Variants in SH3GL1 observed in about 807,000 individuals in gnomAD.
SH3GL1 encodes the protein SH3 domain containing GRB2 like 1, endophilin A2, also known as endophilin-A2.
In SH3GL1, 21 loss-of-function variants were observed where a neutral mutation model predicts 48.8. That is an observed-to-expected ratio of 0.43 (90% CI 0.30 to 0.62). The LOEUF is 0.62. Ranked by LOEUF, SH3GL1 falls within the 20% of genes least tolerant of loss-of-function variation. SH3GL1 has a pLI of 0.11. For synonymous variants in SH3GL1, 282 were observed against 217.5 expected, an observed-to-expected ratio of 1.30 and a Z score of -2.61; for missense variants, 454 against 503.0, an observed-to-expected ratio of 0.90 and a Z score of 0.93.
chr19:4,363,088 C>T (rs1972668740), intron 7 of SH3GL1, among the ~76,000 whole-genome samples: 1 of 152,178 alleles, frequency 6.6e-6, no homozygotes, highest in South Asian at 2.1e-4. Flanking sequence ...CCTCTGCATT[C>T]AGGGAGGGGA....
chr19:4,369,140 G>A (rs569142181), intron 1 of SH3GL1, among the ~76,000 whole-genome samples: 3 of 152,350 alleles, frequency 2.0e-5, no homozygotes, highest in South Asian at 4.1e-4. Flanking sequence ...CTCTGGCACA[G>A]GTGAGAAGCA....
In SH3GL1 at chr19:4,392,101, G is replaced by GC. The variant is rs370575492; in HGVS notation, c.45+8222dup. 6.8e-3 allele frequency among the ~76,000 whole-genome samples: 1,031 copies of GC among 152,298 alleles called. 11 individuals are homozygous for GC. The highest frequency in any genetic ancestry group is 0.023 in the African/African-American group (962 of 41,562). ...GCTGGACTCACCGGCCTTGTCCCGG[G>GC]CACAGCCTCTGAATCACCAACGCCG... On this transcript the variant is annotated intron_variant, in intron 1 of 9. Coordinates refer to ENST00000269886, the MANE Select transcript of SH3GL1 (RefSeq NM_003025.4).
intron 1 of SH3GL1, among the ~76,000 whole-genome samples, chr19:4,369,522 C>T (rs975731143): frequency 6.6e-6 from 1 of 152,204 alleles, no homozygotes. Flanking sequence ...CTGCCTCTCA[C>T]AGGGCAGGAG....
intron 1 of SH3GL1, among the ~76,000 whole-genome samples, chr19:4,381,544 C>T (rs1338575078): frequency 4.8e-5 from 4 of 83,474 alleles, no homozygotes; most frequent in Non-Finnish European, 1.0e-4. Context: ...CTCTGTCTCC[C>T]GTCTCTGTCC....
chr19:4,388,021 C>T (rs1478397790), intron 1 of SH3GL1, among the ~76,000 whole-genome samples: 1 of 152,056 alleles, frequency 6.6e-6, no homozygotes, highest in Non-Finnish European at 1.5e-5. Flanking sequence ...CACCCACGCC[C>T]AGCTAATTTT....
rs1411006555 is a variant in SH3GL1, at chr19:4,361,607, G to A, written c.1100C>T (p.Pro367Leu). ...LSYVEVLVPLPQ is the reference protein window; with the variant it reads ...LSYVEVLVPLLQ ...GGCGGGGACACGGGTGAGTCACTGCGGCAGGGGCACAAGCACCTCCACGTA... is the reference window on the plus strand; with the variant it reads ...GGCGGGGACACGGGTGAGTCACTGCAGCAGGGGCACAAGCACCTCCACGTA... The change falls in exon 10 of 10, where the codon CCG (proline) becomes CTG (leucine). Residue 367 changes from proline to leucine, a missense_variant. By Grantham distance (98) the Pro-to-Leu change is moderately conservative. This residue lies in a region of SH3GL1 where 278 missense variants were observed against 246.8 expected (regional missense o/e 1.13). Transcript: ENST00000269886. 1.4e-5 allele frequency: 23 copies of A among 1,597,112 alleles called. No homozygotes were observed. The highest frequency in any genetic ancestry group is 1.8e-5 in the Non-Finnish European group (21 of 1,175,184).
intron 1 of SH3GL1, among the ~76,000 whole-genome samples, chr19:4,387,677 T>C (rs1375500985): frequency 6.6e-6 from 1 of 152,106 alleles, no homozygotes. Flanking sequence ...GCTGCTGTTG[T>C]ATTTGTTATT....
rs1217931198 is a variant in SH3GL1 at position 4,400,257 on chromosome 19, G to C, written c.45+67C>G. 3.1e-5 allele frequency: 48 copies of C among 1,533,296 alleles called. No individual in the cohort carries two copies. The highest frequency in any genetic ancestry group is 2.6e-5 in the Non-Finnish European group (30 of 1,133,518). The allele number at this position is 1,533,296 out of a possible 1,614,324, so 95.0% of individuals were successfully genotyped here. A position where few individuals can be genotyped will look rare whatever the true frequency, so the allele number is the denominator to read the frequency against. ...CCCCGGCCCCCTCCCGGGCCAGGTCGGGCCTGGCTCCCTCATCCGGGCAGC... is the reference window on the plus strand; with the variant it reads ...CCCCGGCCCCCTCCCGGGCCAGGTCCGGCCTGGCTCCCTCATCCGGGCAGC... On this transcript the variant is annotated intron_variant, in intron 1 of 9. Transcript: ENST00000269886. The surrounding 1 kb of genome is among the most constrained non-coding windows in gnomAD (Gnocchi z 4.1).
chr19:4,395,840 G>A (rs1317511025), intron 1 of SH3GL1: 2 of 152,064 alleles, frequency 1.3e-5, no homozygotes, highest in Non-Finnish European at 2.9e-5. Flanking sequence ...CCGGGAGGCG[G>A]AGGTTGGTCT....
chr19:4,399,957 T>C (rs1204095055), intron 1 of SH3GL1, among the ~76,000 whole-genome samples: 1 of 152,194 alleles, frequency 6.6e-6, no homozygotes, highest in East Asian at 1.9e-4. Flanking sequence ...AACTTTTCCC[T>C]GGCTCTGGGT....
At chr19:4,371,369 C>T (rs1000609882) in intron 1 of SH3GL1, among the ~76,000 whole-genome samples, 2 of 152,220 alleles carry the variant, frequency 1.3e-5, no homozygotes, top group Non-Finnish European at 2.9e-5. Context: ...CTGTGGTGGC[C>T]ACTTGGCAGG....
At chr19:4,364,896 GTGTATATA>G (rs1334553949) in intron 4 of SH3GL1, among the ~76,000 whole-genome samples, 251 of 116,322 alleles carry the variant, frequency 2.2e-3, no homozygotes, top group African/African-American at 3.3e-3. Flanking sequence ...GTGTGTGTGT[GTGTATATA>G]TATATATATA....
intron 1 of SH3GL1, among the ~76,000 whole-genome samples, chr19:4,392,040 G>A (rs1973347133): frequency 6.6e-6 from 1 of 152,172 alleles, no homozygotes; most frequent in East Asian, 1.9e-4. Context: ...ACACCTCCCC[G>A]AGGGAGAGGG....
At chr19:4,373,975 C>T (rs988677325) in intron 1 of SH3GL1, among the ~76,000 whole-genome samples, 1 of 152,238 alleles carries the variant, frequency 6.6e-6, no homozygotes, top group Non-Finnish European at 1.5e-5. Flanking sequence ...CTCAGGCTGT[C>T]GGGCCCTGCC....
chr19:4,364,890 GTGTGTGTGTA>G (rs1172953920), intron 4 of SH3GL1, among the ~76,000 whole-genome samples: 1 of 102,874 alleles, frequency 9.7e-6, no homozygotes, highest in African/African-American at 4.1e-5. Flanking sequence ...GTGTGTGTGT[GTGTGTGTGTA>G]TATATATATA....
chr19:4,383,365 T>C lies in SH3GL1; in HGVS notation c.46-16371A>G, dbSNP rs186127466. Among the ~76,000 whole-genome samples, 217 of 152,060 alleles carry C rather than the reference T, an allele frequency of 1.4e-3. 2 individuals carry two copies. Among genetic ancestry groups the C allele is most frequent in the African/African-American group, 5.0e-3 (209 of 41,450 alleles). Reference sequence around the variant, plus strand: ...GAGTAGCTGGGACTACAGGCGTGCATCACCACACAGAGTTATTTTTTTTTT... The same window carrying C: ...GAGTAGCTGGGACTACAGGCGTGCACCACCACACAGAGTTATTTTTTTTTT... On this transcript the variant is annotated intron_variant, in intron 1 of 9. Coordinates refer to ENST00000269886, the MANE Select transcript of SH3GL1 (RefSeq NM_003025.4).
At chr19:4,365,374 A>C in intron 4 of SH3GL1, 108 bp downstream of exon 4, 2 of 1,447,508 alleles carry the variant, frequency 1.4e-6, no homozygotes, top group East Asian at 2.3e-5. Flanking sequence ...TGTGGGGGCC[A>C]CTGTACGTCC....
intron 1 of SH3GL1, among the ~76,000 whole-genome samples, chr19:4,381,267 TA>T: frequency 2.1e-5 from 2 of 95,154 alleles, no homozygotes; most frequent in Admixed American, 1.4e-4. Flanking sequence ...TCTGTCCCCC[TA>T]CCTCTGTCTC....
Position 4,400,290 on chromosome 19 carries a change from C to G in SH3GL1, c.45+34G>C, listed in dbSNP as rs1325099843. On this transcript the variant is annotated intron_variant, in intron 1 of 9. Transcript: ENST00000269886. This position sits in a 1 kb window ranked among gnomAD's most constrained non-coding sequence, Gnocchi z 4.1. ...CTCCCTCATCCGGGCAGCCCGGGGC[C>G]CGGTACTCGGCTCCCGCCTGGGCCT... is the stretch of plus-strand genomic sequence containing the variant. 2.5e-6 allele frequency: 4 copies of G among 1,587,764 alleles called. No individual in the cohort carries two copies. The African/African-American group carries it at 5.6e-5, about 22-fold the overall frequency.
Sources: gnomAD v4.1 joint callset for allele counts (sites outside exome capture counted in the v4.1 genomes callset) on GRCh38, gnomAD v4.1.1 for gene constraint, gnomAD v4.1.1 regional missense constraint, Gnocchi (gnomAD v3.1) non-coding constraint, MANE v1.5 for transcripts, NCBI Gene and HGNC (gene_info 2026-07-23, HGNC 2026-07-21) for gene names.